The following EIF4G3 variants were observed in gnomAD, a reference collection of about 807,000 sequenced individuals.
EIF4G3 encodes eukaryotic translation initiation factor 4 gamma 3.
A neutral mutation model predicts 186.4 loss-of-function variants in EIF4G3; 34 were observed. That is an observed-to-expected ratio of 0.18 (90% CI 0.14 to 0.24). The LOEUF (loss-of-function observed/expected upper bound fraction) is 0.24, where lower values mean the gene tolerates loss of function less well. Ranked by LOEUF, EIF4G3 falls within the 10% of genes least tolerant of loss-of-function variation. The pLI is 1.00. For synonymous variants in EIF4G3, 673 were observed against 679.5 expected (o/e 0.99, Z 0.15); for missense variants, 1,536 against 1,948.5 (o/e 0.79, Z 3.99).
In EIF4G3 at chr1:20,947,796, T is replaced by C. The variant is rs185240770; in HGVS notation, c.823+2207A>G. On this transcript the variant is annotated intron_variant, in intron 13 of 36. Coordinates refer to ENST00000602326, the MANE Select transcript of EIF4G3 (RefSeq NM_001391906.1). ...TGAATACTTTCCAATTAAGCCTATA[T>C]TATACACCAGTTAGATATGTTGATG... 5.9e-5 allele frequency among the ~76,000 whole-genome samples: 9 copies of C among 152,318 alleles called. No homozygotes were observed. In the East Asian group the frequency reaches 1.7e-3, roughly 29 times the overall value.
At chr1:21,038,448 C>T (rs528417526) in intron 4 of EIF4G3, among the ~76,000 whole-genome samples, 30 of 152,324 alleles carry the variant, frequency 2.0e-4, no homozygotes, top group African/African-American at 6.0e-4. Context: ...ATAGCCACCA[C>T]GATTATCTCT....
At chr1:21,062,972 A>G (rs2095006877) in intron 3 of EIF4G3, among the ~76,000 whole-genome samples, 1 of 152,222 alleles carries the variant, frequency 6.6e-6, no homozygotes. Context: ...ACAGCAATCC[A>G]AACCAGTTTG....
At chr1:21,082,396 C>A (rs1416139415) in intron 3 of EIF4G3, among the ~76,000 whole-genome samples, 2 of 151,766 alleles carry the variant, frequency 1.3e-5, no homozygotes, top group Non-Finnish European at 2.9e-5. Flanking sequence ...ACCAGCAAGG[C>A]CAACATGGCG....
At position 20,963,713 on chromosome 1, in the gene EIF4G3, G is replaced by A. The variant is rs142458481; in HGVS notation, c.714+5761C>T. On this transcript the variant is annotated intron_variant, in intron 12 of 36. Coordinates refer to ENST00000602326, the MANE Select transcript of EIF4G3 (RefSeq NM_001391906.1). ...TCATGCCTGTAATCCTAGAGCTTTG[G>A]GAGGCTGAGGCGAGCAGATCACTTG... 3.8e-3 allele frequency among the ~76,000 whole-genome samples: 584 copies of A among 152,174 alleles called. 1 individual carries two copies. Among genetic ancestry groups the A allele is most frequent in the Non-Finnish European group, 6.6e-3 (446 of 67,994 alleles).
At chr1:20,906,676 G>A (rs2092189684) in intron 14 of EIF4G3, among the ~76,000 whole-genome samples, 1 of 151,952 alleles carries the variant, frequency 6.6e-6, no homozygotes, top group South Asian at 2.1e-4. Flanking sequence ...AACAGCTACT[G>A]AGCCAGTGAG....
chr1:20,973,421 T>G (rs549609432), intron 10 of EIF4G3, among the ~76,000 whole-genome samples: 4 of 152,248 alleles, frequency 2.6e-5, no homozygotes, highest in Admixed American at 1.3e-4. Context: ...AATATTATTC[T>G]GAGGCTTACC....
At chr1:21,000,440 C>T (rs1236839249) in intron 6 of EIF4G3, among the ~76,000 whole-genome samples, 3 of 151,978 alleles carry the variant, frequency 2.0e-5, no homozygotes, top group African/African-American at 7.2e-5. Flanking sequence ...TCTACAAAGC[C>T]ACAGGAAGAG....
intron 2 of EIF4G3, among the ~76,000 whole-genome samples, chr1:21,168,473 T>C (rs2103035541): frequency 6.6e-6 from 1 of 152,140 alleles, no homozygotes; most frequent in African/African-American, 2.4e-5. Context: ...CCCAGGCTGG[T>C]GTGCAATCAC....
rs952241182 is a variant in EIF4G3 at position 21,066,900 on chromosome 1, A to G, written c.-195-15906T>C. On this transcript the variant is annotated intron_variant, in intron 3 of 36. Coordinates refer to ENST00000602326, the MANE Select transcript of EIF4G3 (RefSeq NM_001391906.1). ...TTTTATTTTTAAAAACAGTACATAT[A>G]CTTTGTAAAATTGCTGTGAAGGGAA... is the stretch of plus-strand genomic sequence containing the variant. Among the ~76,000 whole-genome samples, 81 of 152,340 alleles carry G rather than the reference A, an allele frequency of 5.3e-4. 4 individuals carry two copies. Among genetic ancestry groups the G allele is most frequent in the African/African-American group, 1.4e-4 (6 of 41,586 alleles).
chr1:21,132,648 T>C (rs1474588612), intron 2 of EIF4G3, among the ~76,000 whole-genome samples: 1 of 152,068 alleles, frequency 6.6e-6, no homozygotes, highest in Non-Finnish European at 1.5e-5. Flanking sequence ...CTATGTTGTG[T>C]AGGCTGGTGT....
intron 2 of EIF4G3, among the ~76,000 whole-genome samples, chr1:21,159,269 A>C (rs921447813): frequency 4.0e-5 from 6 of 151,782 alleles, no homozygotes; most frequent in Non-Finnish European, 8.8e-5. Flanking sequence ...CCCTATCCCT[A>C]TCTCTCCAAA....
At chr1:21,142,366 G>A (rs938667083) in intron 2 of EIF4G3, among the ~76,000 whole-genome samples, 7 of 151,632 alleles carry the variant, frequency 4.6e-5, no homozygotes, top group Non-Finnish European at 8.8e-5. Context: ...ATTAGCCAGT[G>A]TGGTGCACCA....
chr1:20,981,776 TATAC>T (rs892059172), intron 8 of EIF4G3, among the ~76,000 whole-genome samples: 3 of 151,780 alleles, frequency 2.0e-5, no homozygotes, highest in South Asian at 4.2e-4. Context: ...ATACTGTATA[TATAC>T]ATACATATAT....
chr1:21,147,780 G>A (rs569491433), intron 2 of EIF4G3, among the ~76,000 whole-genome samples: 22 of 152,068 alleles, frequency 1.4e-4, no homozygotes, highest in Admixed American at 7.2e-4. Context: ...AACTAAAATC[G>A]TCTATCATTT....
intron 20 of EIF4G3, 64 bp downstream of exon 20, chr1:20,879,259 T>C: frequency 1.6e-6 from 2 of 1,281,770 alleles, no homozygotes; most frequent in Non-Finnish European, 2.1e-6. Flanking sequence ...CTGGGAAGAA[T>C]GTGTAGTGAG....
chr1:21,110,577 G>A (rs1042430940), intron 2 of EIF4G3, among the ~76,000 whole-genome samples: 6 of 152,102 alleles, frequency 3.9e-5, no homozygotes, highest in Non-Finnish European at 8.8e-5. Flanking sequence ...TTACAGGTGT[G>A]AGCCACCACG....
chr1:20,983,078 AG>A (rs1235222346), intron 7 of EIF4G3, among the ~76,000 whole-genome samples: 1 of 152,174 alleles, frequency 6.6e-6, no homozygotes, highest in Non-Finnish European at 1.5e-5. Context: ...TCCTACTCTT[AG>A]GCATCAAACC....
chr1:20,923,647 A>G (rs2094645349), intron 14 of EIF4G3, among the ~76,000 whole-genome samples: 1 of 152,046 alleles, frequency 6.6e-6, no homozygotes, highest in Admixed American at 6.6e-5. Context: ...TGGAAAAAAA[A>G]AATCTACTTT....
intron 2 of EIF4G3, among the ~76,000 whole-genome samples, chr1:21,154,759 A>C (rs777703734): frequency 1.1e-4 from 16 of 152,208 alleles, no homozygotes; most frequent in Non-Finnish European, 2.1e-4. Flanking sequence ...CTATGTATCT[A>C]TGCATCTATG....
Sources: gnomAD v4.1 joint callset for allele counts (sites outside exome capture counted in the v4.1 genomes callset) on GRCh38, gnomAD v4.1.1 for gene constraint, MANE v1.5 for transcripts, NCBI Gene and HGNC (gene_info 2026-07-23, HGNC 2026-07-21) for gene names.